The following GREB1 variants were observed in gnomAD, a reference collection of about 807,000 sequenced individuals.
GREB1 encodes the protein protein GREB1.
A neutral mutation model predicts 200.7 loss-of-function variants in GREB1; 106 were observed. That is an observed-to-expected ratio of 0.53 (90% CI 0.45 to 0.62). GREB1 has a LOEUF of 0.62. GREB1 is among the 20% of genes least tolerant of loss of function. The pLI is 0.00. For missense variants in GREB1, 2,243 were observed against 2,556.8 expected (o/e 0.88, Z 2.65); for synonymous variants, 1,132 against 1,092.4 (o/e 1.04, Z -0.72).
At position 11,621,004 on chromosome 2, in the gene GREB1, A is replaced by G; in HGVS notation, c.4144A>G (p.Ile1382Val). The G allele has an allele frequency of 1.3e-6, 2 of 1,577,392 alleles. No homozygotes were observed. Among genetic ancestry groups the G allele is most frequent in the South Asian group, 1.1e-5 (1 of 90,396 alleles). The stretch of plus-strand genomic sequence containing the variant: ...TGTCTATGACGAGGAGGAGATCAAT[A>G]TCAGTGAGTTATCTGTTTGGGGTTA... ...VDVYDEEEIN[I>V]NLREESDWHY... The change falls in exon 23 of 33, where the codon ATC becomes GTC. Residue 1382 changes from isoleucine (I) to valine (V), a missense_variant. Coordinates refer to ENST00000381486, the MANE Select transcript of GREB1 (RefSeq NM_014668.4).
At chr2:11,497,378 G>C (rs1009829600) in intron 1 of GREB1, among the ~76,000 whole-genome samples, 2 of 152,266 alleles carry the variant, frequency 1.3e-5, no homozygotes, top group Non-Finnish European at 2.9e-5. Flanking sequence ...ACTTGTTGAA[G>C]GATATCTGAG....
chr2:11,626,913 T>G (rs374062093), intron 24 of GREB1, 49 bp from the exon 25 acceptor site: 265 of 1,603,452 alleles, frequency 1.7e-4, no homozygotes, highest in Non-Finnish European at 2.1e-4. Flanking sequence ...CAGGGGATAA[T>G]GTTTGCTTTG....
chr2:11,527,230 C>CA lies in GREB1; in HGVS notation c.-158-29219dup, dbSNP rs529982168. Among the ~76,000 whole-genome samples the CA allele has an allele frequency of 3.7e-3, 552 of 150,956 alleles. 2 individuals are homozygous for CA. The highest frequency in any genetic ancestry group is 6.8e-3 in the Middle Eastern group (2 of 292). On this transcript the variant is annotated intron_variant, in intron 1 of 2. Transcript: ENST00000628795. ...AATGCACCTATTGCTATCATGCGGT[C>CA]AAAAAAAATGGGGAAGTGATAAGTG...
At chr2:11,558,406 C>T (rs1676650683) in intron 2 of GREB1, among the ~76,000 whole-genome samples, 1 of 152,208 alleles carries the variant, frequency 6.6e-6, no homozygotes. Context: ...ACATGTGGCA[C>T]TGTCCAGGGA....
chr2:11,505,907 A>G (rs981370023), intron 1 of GREB1, among the ~76,000 whole-genome samples: 10 of 152,198 alleles, frequency 6.6e-5, no homozygotes, highest in African/African-American at 2.4e-4. Flanking sequence ...AGCAGTAGTA[A>G]GGCATGCTGT....
At chr2:11,634,077 C>G in intron 28 of GREB1, 54 bp from the exon 29 acceptor site, 2 of 1,535,626 alleles carry the variant, frequency 1.3e-6, no homozygotes, top group Non-Finnish European at 1.8e-6. Flanking sequence ...GTCCCAAGGA[C>G]CTTGCTGCTG....
At position 11,615,306 on chromosome 2, in the gene GREB1, C is replaced by CTGT; in HGVS notation, c.3322+16_3322+17insTGT. 1.9e-6 allele frequency: 3 copies of CTGT among 1,554,416 alleles called. No homozygotes were observed. The highest frequency in any genetic ancestry group is 1.7e-6 in the Non-Finnish European group (2 of 1,145,682). On this transcript the variant is annotated intron_variant, in intron 20 of 32. Transcript: ENST00000381486. ...GGGACAGAAGGTGAGGGATGGCTGC[C>CTGT]CTCAGCCTACTTGTCCCTGTCTGCA...
At chr2:11,619,782 A>G (rs1251286586) in intron 22 of GREB1, among the ~76,000 whole-genome samples, 1 of 152,110 alleles carries the variant, frequency 6.6e-6, no homozygotes, top group Non-Finnish European at 1.5e-5. Context: ...GAAGTGCTTT[A>G]GATATTACAG....
At chr2:11,570,143 T>C (rs1678113925) in intron 4 of GREB1, among the ~76,000 whole-genome samples, 1 of 152,038 alleles carries the variant, frequency 6.6e-6, no homozygotes, top group African/African-American at 2.4e-5. Flanking sequence ...GTGTGGTGGC[T>C]CATGCCTGTA....
chr2:11,484,868 C>G (rs574097949), intron 1 of GREB1, among the ~76,000 whole-genome samples: 74 of 152,358 alleles, frequency 4.9e-4, no homozygotes, highest in Non-Finnish European at 8.8e-4. Flanking sequence ...TGTTTTGAGA[C>G]GGAGTCTCGC....
rs754911085 is a variant in GREB1 at position 11,600,791 on chromosome 2, C to G, written c.2334-9C>G. 6.2e-7 allele frequency: 1 copy of G among 1,609,384 alleles called. No individual in the cohort carries two copies. The highest frequency in any genetic ancestry group is 8.5e-7 in the Non-Finnish European group (1 of 1,176,100). On this transcript the variant is annotated splice_polypyrimidine_tract_variant and intron_variant, in intron 15 of 32. Coordinates refer to ENST00000381486, the MANE Select transcript of GREB1 (RefSeq NM_014668.4). ...GTAATTCCACTGATTGTGTCTTCTC[C>G]TCCCTCAGTAGCACTGTTCATAACC...
intron 31 of GREB1, 32 bp from the exon 32 acceptor site, chr2:11,638,639 C>T (rs750151906): frequency 1.7e-5 from 28 of 1,604,230 alleles, no homozygotes; most frequent in Middle Eastern, 1.7e-4. Context: ...TCATAGAAAA[C>T]GGTGCCCTCT....
chr2:11,588,100 G>A (rs959180636), intron 9 of GREB1: 7 of 393,322 alleles, frequency 1.8e-5, no homozygotes, highest in African/African-American at 4.3e-5. Context: ...GTGGTGATGC[G>A]CACCTGTCAT....
intron 10 of GREB1, chr2:11,592,212 C>T (rs1680799668): frequency 5.6e-6 from 2 of 355,780 alleles, no homozygotes; most frequent in African/African-American, 2.4e-5. Context: ...TTAACAACAG[C>T]AGTGTTTTGG....
chr2:11,615,691 A>T (rs562073122), intron 20 of GREB1, among the ~76,000 whole-genome samples: 1 of 152,332 alleles, frequency 6.6e-6, no homozygotes, highest in Non-Finnish European at 1.5e-5. Flanking sequence ...TCCTCTGTGA[A>T]TCAACCCAAC....
At chr2:11,638,861 C>T (rs781074630) in intron 32 of GREB1, 52 bp downstream of exon 32, 16 of 1,587,022 alleles carry the variant, frequency 1.0e-5, no homozygotes, top group Middle Eastern at 1.7e-4. Flanking sequence ...CTGTAGTCAC[C>T]GGGTACCCTG....
At position 11,633,133 on chromosome 2, in the gene GREB1, A is replaced by T. The variant is rs565571435; in HGVS notation, c.4991+70A>T. 2.0e-6 allele frequency: 3 copies of T among 1,482,810 alleles called. No individual in the cohort carries two copies. The highest frequency in any genetic ancestry group is 3.4e-5 in the Admixed American group (2 of 59,448). 91.9% of individuals were successfully genotyped at this position (1,482,810 alleles called of 1,614,324 possible). On this transcript the variant is annotated intron_variant, in intron 28 of 32. Transcript: ENST00000381486. The surrounding 1 kb of genome is among the most constrained non-coding windows in gnomAD (Gnocchi z 4.1). ...TGACCAACGAGTGTGCCCTCTTTGT[A>T]TGGGGAATGTGCCCACCCCTGGAAG...
rs1377885815 is a variant in GREB1, at chr2:11,625,134, T to G, written c.4148-20T>G. 6.3e-7 allele frequency: 1 copy of G among 1,599,806 alleles called. No individual in the cohort carries two copies. Among genetic ancestry groups the G allele is most frequent in the East Asian group, 2.2e-5 (1 of 44,822 alleles). On this transcript the variant is annotated intron_variant, in intron 23 of 32. Transcript: ENST00000381486. Reference sequence around the variant, plus strand: ...TTCACTTCCTATTTTGTCACATCTATGTTTCTACCAATCTTGTAGACCTCA... The same window carrying G: ...TTCACTTCCTATTTTGTCACATCTAGGTTTCTACCAATCTTGTAGACCTCA...
intron 1 of GREB1, among the ~76,000 whole-genome samples, chr2:11,553,005 G>A (rs374484093): frequency 0.06 from 6,526 of 109,602 alleles, 542 homozygotes; most frequent in African/African-American, 0.29. Context: ...GCGAAACTCC[G>A]TCTCAAAAAA....
Sources: allele counts gnomAD v4.1 joint callset (sites outside exome capture counted in the v4.1 genomes callset), GRCh38; gene constraint gnomAD v4.1.1; non-coding constraint Gnocchi (gnomAD v3.1); transcripts MANE v1.5; gene names NCBI Gene and HGNC (gene_info 2026-07-23, HGNC 2026-07-21).